CHODL: variants seen among roughly 807,000 people sequenced by gnomAD.
CHODL encodes transmembrane protein MT75.
CHODL carries 29 observed loss-of-function variants against 34.5 expected under a neutral mutation model. That is an observed-to-expected ratio of 0.84 (90% CI 0.63 to 1.15). The LOEUF is 1.15. Among genes scored for constraint, CHODL ranks in the 50% most tolerant of loss-of-function variants. CHODL has a pLI of 0.00. For synonymous variants in CHODL, 125 were observed against 116.1 expected (o/e 1.08, Z -0.49); for missense variants, 332 against 332.5 (o/e 1.00, Z 0.01).
intron 2 of CHODL, among the ~76,000 whole-genome samples, chr21:18,110,615 T>C (rs1409567077): frequency 6.6e-6 from 1 of 152,088 alleles, no homozygotes; most frequent in East Asian, 1.9e-4. Flanking sequence ...CACAGAAGAC[T>C]GGGGTCTTCA....
intron 1 of CHODL, among the ~76,000 whole-genome samples, chr21:18,248,938 T>TG (rs1480324650): frequency 9.0e-6 from 1 of 111,584 alleles, no homozygotes. Context: ...TACATATATA[T>TG]TATGTATACA....
At chr21:18,146,581 T>C (rs2072892871) in intron 2 of CHODL, among the ~76,000 whole-genome samples, 1 of 152,150 alleles carries the variant, frequency 6.6e-6, no homozygotes, top group South Asian at 2.1e-4. Flanking sequence ...TCCATCATAA[T>C]TGTAAGTTTC....
At chr21:17,955,824 A>G (rs2063490539) in intron 1 of CHODL, among the ~76,000 whole-genome samples, 1 of 136,584 alleles carries the variant, frequency 7.3e-6, no homozygotes, top group South Asian at 2.9e-4. Context: ...GTCACTTACT[A>G]ATTCTGTGGT....
intron 2 of CHODL, among the ~76,000 whole-genome samples, chr21:18,216,938 A>G (rs993433598): frequency 3.3e-5 from 5 of 152,174 alleles, no homozygotes; most frequent in Non-Finnish European, 7.4e-5. Flanking sequence ...ATTACAATTC[A>G]AGATGAGATT....
chr21:18,105,278 A>G (rs1217248915), intron 2 of CHODL, among the ~76,000 whole-genome samples: 1 of 152,208 alleles, frequency 6.6e-6, no homozygotes, highest in Non-Finnish European at 1.5e-5. Flanking sequence ...GGACAGCAGT[A>G]GTCTGTAGCA....
At chr21:17,930,689 G>A (rs1405105394) in intron 1 of CHODL, among the ~76,000 whole-genome samples, 1 of 152,214 alleles carries the variant, frequency 6.6e-6, no homozygotes, top group Non-Finnish European at 1.5e-5. Flanking sequence ...AGGATTAGGG[G>A]ATTGCCTAGC....
intron 1 of CHODL, among the ~76,000 whole-genome samples, chr21:17,930,427 A>C (rs2063263170): frequency 6.6e-6 from 1 of 152,114 alleles, no homozygotes; most frequent in East Asian, 1.9e-4. Flanking sequence ...TGCCAGAGGG[A>C]GGTATGAGTG....
chr21:18,213,875 C>T (rs2073797242), intron 2 of CHODL, among the ~76,000 whole-genome samples: 1 of 152,060 alleles, frequency 6.6e-6, no homozygotes, highest in Non-Finnish European at 1.5e-5. Flanking sequence ...TTCAGGCAGT[C>T]ACTATCCCCA....
At chr21:18,128,379 G>T (rs113082962) in intron 2 of CHODL, among the ~76,000 whole-genome samples, 2 of 116,560 alleles carry the variant, frequency 1.7e-5, no homozygotes, top group African/African-American at 6.2e-5. Context: ...ACTACAAATA[G>T]AATAAACTTA....
chr21:17,954,267 T>A (rs1318320782), intron 1 of CHODL, among the ~76,000 whole-genome samples: 1 of 152,132 alleles, frequency 6.6e-6, no homozygotes. Flanking sequence ...ATACACGATG[T>A]AAAAGGTGTC....
intron 2 of CHODL, among the ~76,000 whole-genome samples, chr21:18,100,712 T>C (rs1216775085): frequency 6.6e-6 from 1 of 152,094 alleles, no homozygotes; most frequent in Non-Finnish European, 1.5e-5. Flanking sequence ...CACAAAAAGG[T>C]AAAGTGGAAA....
intron 2 of CHODL, among the ~76,000 whole-genome samples, chr21:18,203,726 A>AG (rs1214286570): frequency 1.3e-5 from 2 of 152,188 alleles, no homozygotes; most frequent in Admixed American, 1.3e-4. Context: ...CATTAATCAA[A>AG]GGAACATATT....
chr21:18,178,750 T>G (rs2073346467), intron 2 of CHODL, among the ~76,000 whole-genome samples: 1 of 152,176 alleles, frequency 6.6e-6, no homozygotes, highest in African/African-American at 2.4e-5. Flanking sequence ...AAGGGGTTGG[T>G]CTTGCTCTCT....
Position 17,966,794 on chromosome 21 carries a change from C to T in CHODL, c.-145+49394C>T, listed in dbSNP as rs1600840747. Among the ~76,000 whole-genome samples the T allele has an allele frequency of 2.0e-5, 3 of 152,182 alleles. No homozygotes were observed. In the South Asian group the frequency reaches 6.2e-4, roughly 32 times the overall value. On this transcript the variant is annotated intron_variant, in intron 1 of 6. Coordinates refer to the CHODL transcript ENST00000400127. Reference sequence around the variant, plus strand: ...TCCCTTGAATGACTTGCCTGGGCCTCTAGTTACTACTGATTTCCATTAGCT... The same window carrying T: ...TCCCTTGAATGACTTGCCTGGGCCTTTAGTTACTACTGATTTCCATTAGCT...
intron 2 of CHODL, among the ~76,000 whole-genome samples, chr21:18,059,399 A>G (rs895592291): frequency 1.3e-5 from 2 of 152,144 alleles, no homozygotes; most frequent in Non-Finnish European, 2.9e-5. Flanking sequence ...AAACCTGGTC[A>G]TCAAATGGGG....
At chr21:17,985,954 A>C (rs535831553) in intron 1 of CHODL, among the ~76,000 whole-genome samples, 3 of 152,170 alleles carry the variant, frequency 2.0e-5, no homozygotes, top group Non-Finnish European at 4.4e-5. Flanking sequence ...CTGTGTTTTC[A>C]CATGACACAG....
At chr21:18,015,155 C>G (rs1478571298) in intron 1 of CHODL, among the ~76,000 whole-genome samples, 1 of 152,088 alleles carries the variant, frequency 6.6e-6, no homozygotes, top group Non-Finnish European at 1.5e-5. Flanking sequence ...CCCAAATCTC[C>G]CATTGATTTA....
At chr21:18,163,385 A>T (rs761787957) in intron 2 of CHODL, among the ~76,000 whole-genome samples, 1 of 152,196 alleles carries the variant, frequency 6.6e-6, no homozygotes, top group Non-Finnish European at 1.5e-5. Flanking sequence ...TGGACTGAAC[A>T]AATTAAACCA....
At chr21:18,248,624 T>C (rs984478435) in intron 1 of CHODL, among the ~76,000 whole-genome samples, 2 of 132,496 alleles carry the variant, frequency 1.5e-5, no homozygotes, top group South Asian at 2.1e-4. Flanking sequence ...ACATATATAA[T>C]ATATATAATA....
Sources: gnomAD v4.1 joint callset for allele counts (sites outside exome capture counted in the v4.1 genomes callset) on GRCh38, gnomAD v4.1.1 for gene constraint, MANE v1.5 for transcripts, NCBI Gene and HGNC (gene_info 2026-07-23, HGNC 2026-07-21) for gene names.